Variants in PHLPP2 observed in about 807,000 individuals in gnomAD.
PHLPP2 encodes PH domain and leucine rich repeat protein phosphatase 2.
PHLPP2 carries 66 observed loss-of-function variants against 124.9 expected under a neutral mutation model. The observed-to-expected ratio is 0.53, with a 90% CI of 0.43 to 0.65. PHLPP2 has a LOEUF of 0.65. Among genes scored for constraint, PHLPP2 ranks in the 30% least tolerant of loss-of-function variants. PHLPP2 has a pLI of 0.00. For missense variants in PHLPP2, 1,685 were observed against 1,600.4 expected (o/e 1.05, Z -0.90); for synonymous variants, 681 against 624.7 (o/e 1.09, Z -1.34).
intron 3 of PHLPP2, 145 bp from the exon 4 acceptor site, chr16:71,690,854 T>A: frequency 6.4e-6 from 4 of 627,834 alleles, no homozygotes; most frequent in Non-Finnish European, 1.1e-5. Flanking sequence ...CAAAATTAGA[T>A]CTAGTCCATC....
intron 4 of PHLPP2, among the ~76,000 whole-genome samples, chr16:71,686,378 T>A (rs938674886): frequency 2.0e-5 from 3 of 152,146 alleles, no homozygotes; most frequent in Non-Finnish European, 4.4e-5. Flanking sequence ...CCATTTATGT[T>A]GCCCAGGCTG....
chr16:71,720,875 G>GAA (rs35717730), intron 1 of PHLPP2, among the ~76,000 whole-genome samples: 1 of 135,970 alleles, frequency 7.4e-6, no homozygotes. Context: ...AACAAAAGAC[G>GAA]AAAAAAAAAA....
At chr16:71,698,142 C>T (rs1384688705) in intron 3 of PHLPP2, among the ~76,000 whole-genome samples, 3 of 152,076 alleles carry the variant, frequency 2.0e-5, no homozygotes, top group Non-Finnish European at 2.9e-5. Context: ...CCACCGCGCC[C>T]GGCCCAGAAA....
intron 2 of PHLPP2, among the ~76,000 whole-genome samples, chr16:71,711,976 C>A (rs2045327223): frequency 6.6e-6 from 1 of 152,226 alleles, no homozygotes; most frequent in African/African-American, 2.4e-5. Context: ...GAAAGAAGTC[C>A]ATCATCTACC....
chr16:71,697,784 A>T (rs1300919294), intron 3 of PHLPP2, among the ~76,000 whole-genome samples: 1 of 151,864 alleles, frequency 6.6e-6, no homozygotes, highest in Non-Finnish European at 1.5e-5. Context: ...CTCCAACGCA[A>T]ATAAGAGGTT....
chr16:71,655,462 C>A, intron 16 of PHLPP2, 28 bp from the exon 17 acceptor site: 1 of 1,532,178 alleles, frequency 6.5e-7, no homozygotes, highest in Non-Finnish European at 9.0e-7. Flanking sequence ...AAACAGAAAA[C>A]AGAAAAGTTA....
At chr16:71,657,426 G>A (rs12051443) in intron 15 of PHLPP2, among the ~76,000 whole-genome samples, 51,260 of 142,748 alleles carry the variant, frequency 0.36, 9,528 homozygotes, top group East Asian at 0.74. Flanking sequence ...AAGGAGTCTC[G>A]CTGTGTCGCC....
At chr16:71,667,884 C>T (rs72799888) in intron 11 of PHLPP2, among the ~76,000 whole-genome samples, 299 of 152,198 alleles carry the variant, frequency 2.0e-3, no homozygotes, top group Non-Finnish European at 3.6e-3. Context: ...ATGTTAAACG[C>T]CTCTAGTTTA....
chr16:71,690,677 T>A lies in PHLPP2; in HGVS notation c.451A>T (p.Ile151Phe). The A allele has an allele frequency of 6.2e-7, 1 of 1,613,548 alleles. No individual in the cohort carries two copies. The highest frequency in any genetic ancestry group is 8.5e-7 in the Non-Finnish European group (1 of 1,179,730). Residue 151 changes from isoleucine (I) to phenylalanine (F), a missense_variant, in exon 4 of 19, where the codon ATC (isoleucine) becomes TTC (phenylalanine). Physicochemically the swap from Ile to Phe is conservative, Grantham distance 21. Coordinates refer to ENST00000568954, the MANE Select transcript of PHLPP2 (RefSeq NM_015020.3). ...KPCHMDRLDR[I>F]LLSGIYNVRK... ...ACATTATAGATGCCAGACAATAGGATTCGATCCAAACGATCCATGTGGCAT... is the reference window on the plus strand; with the variant it reads ...ACATTATAGATGCCAGACAATAGGAATCGATCCAAACGATCCATGTGGCAT...
chr16:71,723,740 C>G, intron 1 of PHLPP2: 1 of 1,144,072 alleles, frequency 8.7e-7, no homozygotes, highest in Non-Finnish European at 1.2e-6. Flanking sequence ...CGCCCGCTCG[C>G]TCGCTCGCTG....
Position 71,664,104 on chromosome 16 carries a change from C to T in PHLPP2, c.1785-5G>A. The T allele has an allele frequency of 1.9e-6, 3 of 1,596,146 alleles. No homozygotes were observed. Among genetic ancestry groups the T allele is most frequent in the Non-Finnish European group, 1.7e-6 (2 of 1,163,622 alleles). On this transcript the variant is annotated splice_region_variant and splice_polypyrimidine_tract_variant and intron_variant, in intron 12 of 18. Coordinates refer to ENST00000568954, the MANE Select transcript of PHLPP2 (RefSeq NM_015020.3). ...GATGCATTCAAGTATCTGAGACTGA[C>T]AGAACACACACAGATCATCACCTCC...
rs372527876 is a variant in PHLPP2 at position 71,665,213 on chromosome 16, G to C, written c.1785-1114C>G. On this transcript the variant is annotated intron_variant, in intron 12 of 18. Transcript: ENST00000568954. ...AATCCCAGCTACTTGGGAGGCTGAG[G>C]CAGGAGAAATCGCTTGAACCCAGGA... 2.0e-5 allele frequency among the ~76,000 whole-genome samples: 3 copies of C among 152,142 alleles called. No individual in the cohort carries two copies. The East Asian group carries it at 5.8e-4, about 29-fold the overall frequency.
chr16:71,677,382 C>T (rs1018182976), intron 8 of PHLPP2: 4 of 150,580 alleles, frequency 2.7e-5, no homozygotes, highest in African/African-American at 9.8e-5. Context: ...CTTCCTGTTG[C>T]TATGCCTGCT....
At chr16:71,701,158 C>G (rs2045228867) in intron 3 of PHLPP2, among the ~76,000 whole-genome samples, 1 of 152,090 alleles carries the variant, frequency 6.6e-6, no homozygotes, top group Non-Finnish European at 1.5e-5. Context: ...TCCAGCTAAA[C>G]TGCTCCTAGA....
chr16:71,677,453 CATAT>C (rs9302629), intron 8 of PHLPP2: 4,754 of 132,420 alleles, frequency 0.036, 82 homozygotes, highest in Non-Finnish European at 0.045. Context: ...ATAATCTGCA[CATAT>C]ATATATATAT....
intron 12 of PHLPP2, chr16:71,664,313 T>A: frequency 3.4e-6 from 2 of 583,132 alleles, no homozygotes; most frequent in Non-Finnish European, 6.1e-6. Flanking sequence ...GAGGAAAAAG[T>A]ACAAGCCTGG....
chr16:71,696,240 C>T (rs1678865850), intron 3 of PHLPP2, among the ~76,000 whole-genome samples: 1 of 152,070 alleles, frequency 6.6e-6, no homozygotes, highest in African/African-American at 2.4e-5. Context: ...AAAGATGATA[C>T]CTGATGTTGT....
At chr16:71,692,198 T>C (rs138595763) in intron 3 of PHLPP2, among the ~76,000 whole-genome samples, 12 of 151,994 alleles carry the variant, frequency 7.9e-5, no homozygotes, top group African/African-American at 2.7e-4. Context: ...GCCTCCCGAG[T>C]AGCTGGGACT....
chr16:71,722,795 T>G (rs537044593), intron 1 of PHLPP2, among the ~76,000 whole-genome samples: 4 of 152,210 alleles, frequency 2.6e-5, no homozygotes, highest in African/African-American at 9.6e-5. Context: ...AGTTTACGTA[T>G]TTGACCTACA....
Sources: gnomAD v4.1 joint callset for allele counts (sites outside exome capture counted in the v4.1 genomes callset) on GRCh38, gnomAD v4.1.1 for gene constraint, MANE v1.5 for transcripts, NCBI Gene and HGNC (gene_info 2026-07-23, HGNC 2026-07-21) for gene names.